The following NPIPB15 variants were observed in gnomAD, a reference collection of about 807,000 sequenced individuals.
The protein encoded by NPIPB15 is nuclear pore complex-interacting protein family member B15.
In NPIPB15, 5 loss-of-function variants were observed where a neutral mutation model predicts 35.9. The observed-to-expected ratio is 0.14, with a 90% CI of 0.07 to 0.29. The LOEUF (loss-of-function observed/expected upper bound fraction) is 0.29, where lower values mean the gene tolerates loss of function less well. Ranked by LOEUF, NPIPB15 falls within the 10% of genes least tolerant of loss-of-function variation. The pLI is 1.00. For missense variants in NPIPB15, 100 were observed against 506.1 expected (o/e 0.20, Z 7.70); for synonymous variants, 43 against 182.0 (o/e 0.24, Z 6.15).
At chr16:74,388,932 C>G (rs201354043) in intron 5 of NPIPB15, 3 of 791,882 alleles carry the variant, frequency 3.8e-6, no homozygotes, top group Non-Finnish European at 4.5e-6. Context: ...GTCAGAAGAC[C>G]TATCGTGAGA....
At chr16:74,377,775 CTTACT>C (rs759120269) in intron 1 of NPIPB15, 172 bp from the exon 2 acceptor site, 20 of 145,502 alleles carry the variant, frequency 1.4e-4, no homozygotes, top group South Asian at 6.7e-4. Flanking sequence ...TTTCCCTTCC[CTTACT>C]TCCCCCCTTC....
At chr16:74,385,937 G>A (rs1414315352) in intron 5 of NPIPB15, among the ~76,000 whole-genome samples, 188 bp downstream of exon 5, 7 of 120,052 alleles carry the variant, frequency 5.8e-5, no homozygotes, top group East Asian at 3.3e-4. Flanking sequence ...ATTCTTGTTT[G>A]TAATTTTTTC....
rs753283808 is a variant in NPIPB15 at position 74,385,025 on chromosome 16, G to A, written c.250-317G>A. The stretch of plus-strand genomic sequence containing the variant: ...TGTGTGTGTGTGTGTGTGTGTGTGT[G>A]TGTGTGTGTGACAGAGTCTCATTCT... On this transcript the variant is annotated intron_variant, in intron 3 of 7. Coordinates refer to ENST00000692376, the MANE Select transcript of NPIPB15 (RefSeq NM_001306094.2). Among the ~76,000 whole-genome samples, 456 of 118,462 alleles carry A rather than the reference G, an allele frequency of 3.8e-3. 2 individuals are homozygous for A. Among genetic ancestry groups the A allele is most frequent in the Middle Eastern group, 9.7e-3 (2 of 206 alleles). The allele number at this position is 118,462 out of a possible 152,430, so 77.7% of individuals were successfully genotyped here. A position where few individuals can be genotyped will look rare whatever the true frequency, so the allele number is the denominator to read the frequency against.
At chr16:74,384,696 T>TTTTG (rs1416262253) in intron 3 of NPIPB15, among the ~76,000 whole-genome samples, 2 of 63,606 alleles carry the variant, frequency 3.1e-5, no homozygotes, top group Non-Finnish European at 5.7e-5. Flanking sequence ...TTTTTTTTTT[T>TTTTG]TGAGACAGAG....
chr16:74,379,611 A>G (rs1179696205), intron 2 of NPIPB15, among the ~76,000 whole-genome samples: 2 of 145,618 alleles, frequency 1.4e-5, no homozygotes, highest in Non-Finnish European at 3.0e-5. Flanking sequence ...TTTTTTTGAG[A>G]CAGAGTCTCG....
Position 74,391,409 on chromosome 16 carries a change from G to A in NPIPB15, c.661G>A (p.Glu221Lys), listed in dbSNP as rs756364179. The A allele has an allele frequency of 1.9e-6, 3 of 1,606,694 alleles. No individual in the cohort carries two copies. The South Asian group carries it at 3.3e-5, about 18-fold the overall frequency. Residue 221 changes from glutamate to lysine, a missense_variant, in exon 8 of 8, where the codon GAG (glutamate) becomes AAG (lysine). By Grantham distance (56) the Glu-to-Lys change is moderately conservative. Coordinates refer to ENST00000692376, the MANE Select transcript of NPIPB15 (RefSeq NM_001306094.2). ...LCNWVRMAAA[E>K]HRHSSGLPCW... Reference sequence around the variant, plus strand: ...CCTACAGGTCAGAATGGCGGCAGCGGAGCATCGTCATTCTTCAGGATTGCC... The same window carrying A: ...CCTACAGGTCAGAATGGCGGCAGCGAAGCATCGTCATTCTTCAGGATTGCC...
At position 74,379,020 on chromosome 16, in the gene NPIPB15, G is replaced by C. The variant is rs1204578286; in HGVS notation, c.66+981G>C. Among the ~76,000 whole-genome samples the C allele has an allele frequency of 3.3e-5, 5 of 152,220 alleles. No individual in the cohort carries two copies. The South Asian group carries it at 6.2e-4, about 19-fold the overall frequency. Reference sequence around the variant, plus strand: ...TCTCCATGTTGGTCAGGCTGGTTTTGAACTCCCGACCTCAGGTGATCCGCC... The same window carrying C: ...TCTCCATGTTGGTCAGGCTGGTTTTCAACTCCCGACCTCAGGTGATCCGCC... On this transcript the variant is annotated intron_variant, in intron 2 of 7. Coordinates refer to ENST00000692376, the MANE Select transcript of NPIPB15 (RefSeq NM_001306094.2).
chr16:74,384,994 TGTGTGTGTG>T (rs1567414356), intron 3 of NPIPB15, among the ~76,000 whole-genome samples: 48 of 24,170 alleles, frequency 2.0e-3, no homozygotes, highest in African/African-American at 4.0e-3. Flanking sequence ...GTCATTCTTG[TGTGTGTGTG>T]TGTGTGTGTG....
intron 5 of NPIPB15, among the ~76,000 whole-genome samples, chr16:74,387,702 A>T (rs1262757639): frequency 2.4e-4 from 37 of 152,024 alleles, no homozygotes; most frequent in African/African-American, 8.0e-4. Flanking sequence ...TCTCAGCACC[A>T]CACCACACAC....
chr16:74,376,546 C>T lies in NPIPB15; in HGVS notation c.-823C>T, dbSNP rs570609518. 6.6e-6 allele frequency among the ~76,000 whole-genome samples: 1 copy of T among 151,196 alleles called. No individual in the cohort carries two copies. The highest frequency in any genetic ancestry group is 2.1e-4 in the South Asian group (1 of 4,764). On this transcript the variant is annotated 5_prime_UTR_variant, in exon 1 of 8. Transcript: ENST00000692376. The stretch of plus-strand genomic sequence containing the variant: ...CTGATGAACTTTGTTTCTTGAAATG[C>T]ACAGATTCCTTGGACGTCCCTGAGA...
At chr16:74,383,781 T>C (rs1382835324) in intron 3 of NPIPB15, among the ~76,000 whole-genome samples, 1 of 151,822 alleles carries the variant, frequency 6.6e-6, no homozygotes, top group Non-Finnish European at 1.5e-5. Context: ...CCAGGCATGG[T>C]AGCAGGCACC....
intron 7 of NPIPB15, 134 bp from the exon 8 acceptor site, chr16:74,391,257 C>G (rs2012520419): frequency 6.5e-7 from 1 of 1,541,932 alleles, no homozygotes. Context: ...ACTGATACTG[C>G]TATTTTGAAA....
intron 3 of NPIPB15, among the ~76,000 whole-genome samples, chr16:74,382,628 C>T (rs552359322): frequency 6.6e-6 from 1 of 152,254 alleles, no homozygotes; most frequent in Non-Finnish European, 1.5e-5. Context: ...TTTGTCTTAC[C>T]ATTCATGACA....
chr16:74,383,220 C>A, intron 3 of NPIPB15, among the ~76,000 whole-genome samples: 1 of 145,990 alleles, frequency 6.8e-6, no homozygotes, highest in Non-Finnish European at 1.5e-5. Context: ...CCACGTGAGC[C>A]AGGGGAAGTT....
chr16:74,386,284 CTTTTTTTT>C, intron 5 of NPIPB15, among the ~76,000 whole-genome samples: 1 of 106,514 alleles, frequency 9.4e-6, no homozygotes, highest in South Asian at 3.8e-4. Context: ...CACACCCAGC[CTTTTTTTT>C]TTTTTTTTTT....
At chr16:74,387,479 G>A (rs1009607628) in intron 5 of NPIPB15, among the ~76,000 whole-genome samples, 3 of 148,834 alleles carry the variant, frequency 2.0e-5, no homozygotes, top group African/African-American at 7.6e-5. Context: ...ATTCTGTTTG[G>A]TGTCCCCCAT....
chr16:74,387,471 T>C (rs2012337990), intron 5 of NPIPB15, among the ~76,000 whole-genome samples: 2 of 147,194 alleles, frequency 1.4e-5, no homozygotes, highest in Non-Finnish European at 2.9e-5. Flanking sequence ...GGTTTTATAT[T>C]CTGTTTGGTG....
chr16:74,385,053 C>T (rs1433301572), intron 3 of NPIPB15, among the ~76,000 whole-genome samples: 1 of 144,792 alleles, frequency 6.9e-6, no homozygotes, highest in South Asian at 2.4e-4. Context: ...CTCATTCTGT[C>T]GCTCAGGCTG....
chr16:74,387,698 C>G (rs2012349430), intron 5 of NPIPB15, among the ~76,000 whole-genome samples: 1 of 152,042 alleles, frequency 6.6e-6, no homozygotes, highest in Non-Finnish European at 1.5e-5. Context: ...GCATTCTCAG[C>G]ACCACACCAC....
Sources: gnomAD v4.1 joint callset for allele counts (sites outside exome capture counted in the v4.1 genomes callset) on GRCh38, gnomAD v4.1.1 for gene constraint, MANE v1.5 for transcripts, NCBI Gene and HGNC (gene_info 2026-07-23, HGNC 2026-07-21) for gene names.